The following AHDC1 variants were observed in gnomAD, a reference collection of about 807,000 sequenced individuals.
AHDC1 encodes the protein AT-hook DNA binding motif containing 1.
A neutral mutation model predicts 87.9 loss-of-function variants in AHDC1; 7 were observed. The ratio of observed to expected loss-of-function variants is 0.08; its 90% CI spans 0.05 to 0.15. The LOEUF (loss-of-function observed/expected upper bound fraction) is 0.15. Ranked by LOEUF, AHDC1 falls within the 10% of genes least tolerant of loss-of-function variation. AHDC1 has a pLI of 1.00. For synonymous variants in AHDC1, 1,051 were observed against 1,006.8 expected (o/e 1.04, Z -0.83); for missense variants, 1,841 against 2,253.2 (o/e 0.82, Z 3.70).
chr1:27,597,325 T>C (rs1455988362), intron 3 of AHDC1, among the ~76,000 whole-genome samples: 1 of 150,664 alleles, frequency 6.6e-6, no homozygotes, highest in Non-Finnish European at 1.5e-5. Flanking sequence ...GAGATTTACA[T>C]GTCACAAATT....
At position 27,593,702 on chromosome 1, in the gene AHDC1, C is replaced by T. The variant is rs1477807478; in HGVS notation, c.-629+9695G>A. ...GCTGCCCCACCTCTGCTCTGAACCC[C>T]TCCCTATCTCACCAATCCCTGCTAT... On this transcript the variant is annotated intron_variant, in intron 3 of 8. Coordinates refer to ENST00000673934, the MANE Select transcript of AHDC1 (RefSeq NM_001371928.1). This position sits in a 1 kb window ranked among gnomAD's most constrained non-coding sequence, Gnocchi z 4.9. Among the ~76,000 whole-genome samples the T allele has an allele frequency of 6.6e-6, 1 of 152,260 alleles. No homozygotes were observed. The highest frequency in any genetic ancestry group is 2.4e-5 in the African/African-American group (1 of 41,466).
intron 3 of AHDC1, among the ~76,000 whole-genome samples, chr1:27,601,130 A>G (rs763655236): frequency 1.3e-5 from 2 of 152,242 alleles, no homozygotes; most frequent in East Asian, 1.9e-4. Flanking sequence ...TCAGCCATAG[A>G]TCACATTAAA....
rs1421001306 is a variant in AHDC1, at chr1:27,551,624, C to G, written c.492G>C (p.Gln164His). Residue 164 changes from glutamine to histidine, a missense_variant, in exon 8 of 9, where the codon CAG becomes CAC. Physicochemically the swap from Gln to His is conservative, Grantham distance 24. Around this residue, in one of 13 missense-constraint regions of AHDC1, gnomAD observed 50 missense variants for 104.3 expected, o/e 0.48. Coordinates refer to ENST00000673934, the MANE Select transcript of AHDC1 (RefSeq NM_001371928.1). ...AACTGGGTGAGGAGAAGAAGCTGTA[C>G]TGTAGGTCGCCGGGTGGCGGTGCAG... ...RPPAPPPGDL[Q>H]YSFFSSPSLA... 6 of 1,613,394 alleles carry G rather than the reference C, an allele frequency of 3.7e-6. No individual in the cohort carries two copies. The highest frequency in any genetic ancestry group is 5.1e-6 in the Non-Finnish European group (6 of 1,179,642).
intron 3 of AHDC1, among the ~76,000 whole-genome samples, chr1:27,578,044 T>C (rs1035763154): frequency 6.6e-6 from 1 of 152,148 alleles, no homozygotes; most frequent in Admixed American, 6.5e-5. Flanking sequence ...TTGTTCCAGA[T>C]TATTCTGGCT....
chr1:27,600,648 G>A lies in AHDC1; in HGVS notation c.-629+2749C>T, dbSNP rs112636836. Among the ~76,000 whole-genome samples, 340 of 152,184 alleles carry A rather than the reference G, an allele frequency of 2.2e-3. 1 individual carries two copies. Among genetic ancestry groups the A allele is most frequent in the African/African-American group, 7.8e-3 (324 of 41,504 alleles). On this transcript the variant is annotated intron_variant, in intron 3 of 8. Coordinates refer to ENST00000673934, the MANE Select transcript of AHDC1 (RefSeq NM_001371928.1). ...TGGAGAACAACAATGTCCCTCTGGGGCTCTGCCAGTCCAGAACAGCTCCCC... is the reference window on the plus strand; with the variant it reads ...TGGAGAACAACAATGTCCCTCTGGGACTCTGCCAGTCCAGAACAGCTCCCC...
At position 27,551,616 on chromosome 1, in the gene AHDC1, A is replaced by C; in HGVS notation, c.500T>G (p.Phe167Cys). 6.2e-7 allele frequency: 1 copy of C among 1,613,006 alleles called. No homozygotes were observed. The highest frequency in any genetic ancestry group is 8.5e-7 in the Non-Finnish European group (1 of 1,179,258). Residue 167 changes from phenylalanine (F) to cysteine (C), a missense_variant, in exon 8 of 9, where the codon TTC (phenylalanine) becomes TGC (cysteine). Physicochemically the swap from Phe to Cys is radical, Grantham distance 205. Coordinates refer to ENST00000673934, the MANE Select transcript of AHDC1 (RefSeq NM_001371928.1). ...APPPGDLQYSFFSSPSLANSI... is the reference protein window; with the variant it reads ...APPPGDLQYSCFSSPSLANSI... Reference sequence around the variant, plus strand: ...GTTGGCCAAACTGGGTGAGGAGAAGAAGCTGTACTGTAGGTCGCCGGGTGG... The same window carrying C: ...GTTGGCCAAACTGGGTGAGGAGAAGCAGCTGTACTGTAGGTCGCCGGGTGG...
At position 27,550,135 on chromosome 1, in the gene AHDC1, G is replaced by A. The variant is rs1471466652; in HGVS notation, c.1981C>T (p.Arg661Cys). The change falls in exon 8 of 9, where the codon CGT (arginine) becomes TGT (cysteine). Residue 661 changes from arginine to cysteine, a missense_variant. Physicochemically the swap from Arg to Cys is radical, Grantham distance 180. This residue lies in a region of AHDC1 where 236 missense variants were observed against 257.9 expected (regional missense o/e 0.92). Coordinates refer to ENST00000673934, the MANE Select transcript of AHDC1 (RefSeq NM_001371928.1). ...CCACGCCGCCGGAAGCCCTGCACAC[G>A]ATGCAGGAAGTGGGAGATGCTCTGG... The part of the protein sequence containing the change: ...DTQSISHFLH[R>C]VQGFRRRGGK... The A allele has an allele frequency of 2.5e-6, 4 of 1,610,624 alleles. No homozygotes were observed. The highest frequency in any genetic ancestry group is 2.5e-6 in the Non-Finnish European group (3 of 1,179,910).
At chr1:27,578,137 T>G (rs748155821) in intron 3 of AHDC1, among the ~76,000 whole-genome samples, 33 of 152,208 alleles carry the variant, frequency 2.2e-4, no homozygotes, top group Non-Finnish European at 3.7e-4. Flanking sequence ...TAGCCACATG[T>G]GAGTGTGGCT....
At chr1:27,586,817 C>A (rs905412190) in intron 3 of AHDC1, among the ~76,000 whole-genome samples, 2 of 152,206 alleles carry the variant, frequency 1.3e-5, no homozygotes, top group African/African-American at 2.4e-5. Context: ...GTCCTGACAC[C>A]CTCTAGGTCG....
chr1:27,535,332 C>T (rs1328881514), intron 8 of AHDC1, among the ~76,000 whole-genome samples: 1 of 152,148 alleles, frequency 6.6e-6, no homozygotes, highest in Non-Finnish European at 1.5e-5. Context: ...ACTGAACTAC[C>T]CCATTGGTTT....
chr1:27,596,300 C>G (rs952651422), intron 3 of AHDC1, among the ~76,000 whole-genome samples: 11 of 152,010 alleles, frequency 7.2e-5, no homozygotes, highest in Non-Finnish European at 1.6e-4. Context: ...TTCAGATGGT[C>G]GAGGCAGGAG....
rs985249325 is a variant in AHDC1 at position 27,548,489 on chromosome 1, G to A, written c.3627C>T (p.Asn1209=). 7.4e-6 allele frequency: 12 copies of A among 1,613,788 alleles called. No individual in the cohort carries two copies. In the East Asian group the frequency reaches 8.9e-5, roughly 12 times the overall value. ...TGTAGCCGGGGGCAGATGATGCCTC[G>A]TTCCAGTCCATCATCAGTTTCTCCA... is the stretch of plus-strand genomic sequence containing the variant. ...SSLEKLMMDW[N]EASSAPGYNW... is the part of the protein sequence containing the mutation. Residue 1209 remains asparagine (N), a synonymous_variant, in exon 8 of 9, where the codon AAC becomes AAT. Transcript: ENST00000673934.
rs904793030 is a variant in AHDC1 at position 27,550,940 on chromosome 1, G to A, written c.1176C>T (p.Ile392=). 4 of 1,599,114 alleles carry A rather than the reference G, an allele frequency of 2.5e-6. No individual in the cohort carries two copies. Among genetic ancestry groups the A allele is most frequent in the South Asian group, 1.1e-5 (1 of 90,542 alleles). The stretch of plus-strand genomic sequence containing the variant: ...GTCCGGCTTTCCGCCGGCGACACAG[G>A]ATCTTTGGCCTATCAGTGCGCCGCA... ...YALRRTDRPK[I]LCRRRKAGRG... is the part of the protein sequence containing the mutation. The change falls in exon 8 of 9, where the codon ATC becomes ATT. Residue 392 remains isoleucine (I), a synonymous_variant. Coordinates refer to ENST00000673934, the MANE Select transcript of AHDC1 (RefSeq NM_001371928.1).
At chr1:27,544,184 TG>T (rs2019064354) in intron 8 of AHDC1, among the ~76,000 whole-genome samples, 1 of 151,838 alleles carries the variant, frequency 6.6e-6, no homozygotes, top group African/African-American at 2.4e-5. Context: ...GGGGTTGTGG[TG>T]GGGAGACACA....
At position 27,560,739 on chromosome 1, in the gene AHDC1, C is replaced by A. The variant is rs2020039471; in HGVS notation, c.-628-1856G>T. On this transcript the variant is annotated intron_variant, in intron 3 of 8. Coordinates refer to ENST00000673934, the MANE Select transcript of AHDC1 (RefSeq NM_001371928.1). The surrounding 1 kb of genome is among the most constrained non-coding windows in gnomAD (Gnocchi z 4.1). Reference sequence around the variant, plus strand: ...TGTGCTATGTCACTGTATGATTGTGCCAGTATGGCCGTGTGTCAGCGTCAA... The same window carrying A: ...TGTGCTATGTCACTGTATGATTGTGACAGTATGGCCGTGTGTCAGCGTCAA... Among the ~76,000 whole-genome samples the A allele has an allele frequency of 6.6e-6, 1 of 152,118 alleles. No homozygotes were observed. Among genetic ancestry groups the A allele is most frequent in the Non-Finnish European group, 1.5e-5 (1 of 68,028 alleles).
At chr1:27,543,948 G>T (rs917589288) in intron 8 of AHDC1, among the ~76,000 whole-genome samples, 5 of 127,486 alleles carry the variant, frequency 3.9e-5, no homozygotes, top group Non-Finnish European at 1.7e-5. Flanking sequence ...ATCTCAAAAA[G>T]AAAAAAAAAA....
At position 27,550,293 on chromosome 1, in the gene AHDC1, C is replaced by G; in HGVS notation, c.1823G>C (p.Ser608Thr). ...CAGGACGTCTGAGTACTCGGCCTTG[C>G]TGTCGTTGGCGTCTGCTGCATAGGA... ...QPSYAADANDSKAEYSDVLAK... is the reference protein window; with the variant it reads ...QPSYAADANDTKAEYSDVLAK... The change falls in exon 8 of 9, where the codon AGC (serine) becomes ACC (threonine). Residue 608 changes from serine (S) to threonine (T), a missense_variant. Physicochemically the swap from Ser to Thr is moderately conservative, Grantham distance 58 (BLOSUM62 1). Around this residue, in one of 13 missense-constraint regions of AHDC1, gnomAD observed 84 missense variants for 111.7 expected, o/e 0.75. Transcript: ENST00000673934. The G allele has an allele frequency of 6.2e-7, 1 of 1,614,092 alleles. No individual in the cohort carries two copies. Among genetic ancestry groups the G allele is most frequent in the Non-Finnish European group, 8.5e-7 (1 of 1,179,986 alleles).
intron 8 of AHDC1, among the ~76,000 whole-genome samples, chr1:27,543,740 C>A (rs575687789): frequency 6.6e-6 from 1 of 152,040 alleles, no homozygotes; most frequent in African/African-American, 2.4e-5. Context: ...GTCAGGAGTT[C>A]GAGAACAGCC....
chr1:27,603,121 G>A (rs1343964304), intron 3 of AHDC1, among the ~76,000 whole-genome samples: 1 of 151,128 alleles, frequency 6.6e-6, no homozygotes, highest in Admixed American at 6.6e-5. Flanking sequence ...GGGGAGCCGC[G>A]GGGCGGCCAG....
Sources: gnomAD v4.1 joint callset for allele counts (sites outside exome capture counted in the v4.1 genomes callset) on GRCh38, gnomAD v4.1.1 for gene constraint, gnomAD v4.1.1 regional missense constraint, Gnocchi (gnomAD v3.1) non-coding constraint, MANE v1.5 for transcripts, NCBI Gene and HGNC (gene_info 2026-07-23, HGNC 2026-07-21) for gene names.